The following DCHS2 variants were observed in gnomAD, a reference collection of about 807,000 sequenced individuals.
The protein encoded by DCHS2 is protocadherin-23.
In DCHS2, 142 loss-of-function variants were observed where a neutral mutation model predicts 182.4. The observed-to-expected ratio is 0.78, with a 90% CI of 0.68 to 0.89. The LOEUF (loss-of-function observed/expected upper bound fraction) is 0.89, where lower values mean the gene tolerates loss of function less well. Ranked by LOEUF, DCHS2 falls within the 40% of genes least tolerant of loss-of-function variation. The probability of loss-of-function intolerance (pLI) is 0.00; values close to 1 mark genes in which losing one functional copy is unlikely to be tolerated. For synonymous variants in DCHS2, 1,740 were observed against 1,663.3 expected (o/e 1.05, Z -1.12); for missense variants, 4,319 against 4,198.6 (o/e 1.03, Z -0.79).
In DCHS2 at chr4:154,303,009, C is replaced by T. The variant is rs1223559677; in HGVS notation, c.5605+1660G>A. ...TTTTTTTTTTTTTTTGAGACAAAGTCTCACTCTTTTCCCCCAGGAGGGAGT... is the reference window on the plus strand; with the variant it reads ...TTTTTTTTTTTTTTTGAGACAAAGTTTCACTCTTTTCCCCCAGGAGGGAGT... On this transcript the variant is annotated intron_variant, in intron 12 of 19. Transcript: ENST00000357232. 2.1e-5 allele frequency among the ~76,000 whole-genome samples: 3 copies of T among 140,766 alleles called. No individual in the cohort carries two copies. In the South Asian group the frequency reaches 6.8e-4, roughly 32 times the overall value. The allele number at this position is 140,766 out of a possible 152,430, so 92.3% of individuals were successfully genotyped here. A position where few individuals can be genotyped will look rare whatever the true frequency, so the allele number is the denominator to read the frequency against.
chr4:154,451,243 A>G (rs1054937353), intron 1 of DCHS2, among the ~76,000 whole-genome samples: 3 of 152,192 alleles, frequency 2.0e-5, no homozygotes, highest in Non-Finnish European at 4.4e-5. Context: ...TCACAGCACA[A>G]GCCCTTAGGA....
At position 154,320,815 on chromosome 4, in the gene DCHS2, C is replaced by T. The variant is rs1181943938; in HGVS notation, c.4584G>A (p.Leu1528=). ...SVEENVPIGT[L]VYVFNAKDDD... ...CATCTTTGGCATTGAAGACATACAC[C>T]AGGGTTCCTATGGGAACATTCTCCT... Residue 1528 remains leucine, a synonymous_variant, in exon 9 of 20, where the codon CTG becomes CTA. Transcript: ENST00000357232. The T allele has an allele frequency of 6.2e-7, 1 of 1,614,014 alleles. No homozygotes were observed.
In DCHS2 at chr4:154,304,793, T is replaced by C; in HGVS notation, c.5481A>G (p.Pro1827=). The C allele has an allele frequency of 6.2e-7, 1 of 1,613,940 alleles. No homozygotes were observed. Among genetic ancestry groups the C allele is most frequent in the East Asian group, 2.2e-5 (1 of 44,840 alleles). The change falls in exon 12 of 20, where the codon CCA becomes CCG. Residue 1827 remains proline, a synonymous_variant. Transcript: ENST00000357232. ...CTVEDENDHA[P]EFIVSSYDIE... is the part of the protein sequence containing the mutation. ...TGTCATAACTGGAAACAATAAACTC[T>C]GGTGCGTGATCGTTTTCATCTTCAA...
chr4:154,389,243 A>G (rs1373704789), intron 1 of DCHS2, among the ~76,000 whole-genome samples: 1 of 151,970 alleles, frequency 6.6e-6, no homozygotes, highest in East Asian at 1.9e-4. Context: ...AAATGTAAAA[A>G]CCATTCTTAC....
intron 1 of DCHS2, among the ~76,000 whole-genome samples, chr4:154,396,450 C>T (rs745589647): frequency 6.6e-6 from 1 of 152,020 alleles, no homozygotes; most frequent in Non-Finnish European, 1.5e-5. Flanking sequence ...ATTAAAAGTC[C>T]ATTCTCTAAT....
In DCHS2 at chr4:154,234,767, T is replaced by G; in HGVS notation, c.9885A>C (p.Arg3295Ser). The G allele has an allele frequency of 6.2e-7, 1 of 1,613,984 alleles. No homozygotes were observed. Among genetic ancestry groups the G allele is most frequent in the Non-Finnish European group, 8.5e-7 (1 of 1,179,926 alleles). The change falls in exon 20 of 20, where the codon AGA becomes AGC. Residue 3295 changes from arginine (R) to serine (S), a missense_variant. Physicochemically the swap from Arg to Ser is moderately radical, Grantham distance 110 (BLOSUM62 -1). Coordinates refer to ENST00000357232, the MANE Select transcript of DCHS2 (RefSeq NM_001358235.2). ...CCTGCCCCAGGTTTACTGCCGGCATTCTTGGTGGGACTGCTTTAATCCCAG... is the reference window on the plus strand; with the variant it reads ...CCTGCCCCAGGTTTACTGCCGGCATGCTTGGTGGGACTGCTTTAATCCCAG... ...AQPGIKAVPP[R>S]MPAVNLGQVP... is the part of the protein sequence containing the mutation.
At chr4:154,344,690 A>C (rs1160701930) in intron 3 of DCHS2, among the ~76,000 whole-genome samples, 1 of 152,198 alleles carries the variant, frequency 6.6e-6, no homozygotes, top group Non-Finnish European at 1.5e-5. Context: ...TCTATCAAAA[A>C]GAGGAGGAGG....
At chr4:154,331,474 G>T in intron 5 of DCHS2, 1 of 1,251,026 alleles carries the variant, frequency 8.0e-7, no homozygotes, top group Non-Finnish European at 1.1e-6. Flanking sequence ...TTGTGCCCTT[G>T]CAGCAGGAGT....
chr4:154,419,954 G>C (rs1733035122), intron 1 of DCHS2, among the ~76,000 whole-genome samples: 1 of 152,074 alleles, frequency 6.6e-6, no homozygotes, highest in Admixed American at 6.6e-5. Flanking sequence ...ATATCCTGGA[G>C]TCCTTCAAGC....
At chr4:154,240,146 T>G (rs1295207468) in intron 18 of DCHS2, among the ~76,000 whole-genome samples, 2 of 152,154 alleles carry the variant, frequency 1.3e-5, no homozygotes, top group Non-Finnish European at 1.5e-5. Context: ...TTCGTGATTT[T>G]TTTTCTGTAA....
intron 7 of DCHS2, 59 bp from the exon 8 acceptor site, chr4:154,322,547 T>C: frequency 1.3e-6 from 2 of 1,521,616 alleles, no homozygotes; most frequent in South Asian, 2.7e-5. Flanking sequence ...AAACAGAAAA[T>C]CAATTAATCC....
chr4:154,312,587 A>G (rs1255269152), intron 10 of DCHS2, among the ~76,000 whole-genome samples: 1 of 152,168 alleles, frequency 6.6e-6, no homozygotes, highest in Non-Finnish European at 1.5e-5. Flanking sequence ...ATAAAGGATC[A>G]GGGATATGTT....
chr4:154,453,623 T>G (rs1365763364), intron 1 of DCHS2, among the ~76,000 whole-genome samples: 1 of 152,118 alleles, frequency 6.6e-6, no homozygotes, highest in Non-Finnish European at 1.5e-5. Context: ...AACCAAGATT[T>G]TTTCAAAGCT....
intron 1 of DCHS2, among the ~76,000 whole-genome samples, chr4:154,381,481 A>G (rs747253012): frequency 4.6e-5 from 7 of 152,082 alleles, no homozygotes; most frequent in Non-Finnish European, 1.0e-4. Flanking sequence ...CCAAATAGGA[A>G]AAGAAGCCAA....
intron 2 of DCHS2, among the ~76,000 whole-genome samples, chr4:154,370,476 A>G (rs969673347): frequency 6.6e-6 from 1 of 152,212 alleles, no homozygotes; most frequent in African/African-American, 2.4e-5. Flanking sequence ...TTTAAGATAG[A>G]GACTATTATT....
intron 1 of DCHS2, among the ~76,000 whole-genome samples, chr4:154,443,295 C>A (rs1286082403): frequency 6.6e-6 from 1 of 152,176 alleles, no homozygotes; most frequent in East Asian, 1.9e-4. Context: ...CTAACACAAC[C>A]TCAAGTGACA....
chr4:154,378,785 T>C (rs914753393), intron 1 of DCHS2, among the ~76,000 whole-genome samples: 4 of 152,190 alleles, frequency 2.6e-5, no homozygotes, highest in African/African-American at 7.2e-5. Flanking sequence ...GACCATGATC[T>C]ATGTGCTGCC....
At chr4:154,345,228 C>G (rs1224849384) in intron 3 of DCHS2, among the ~76,000 whole-genome samples, 1 of 152,214 alleles carries the variant, frequency 6.6e-6, no homozygotes, top group East Asian at 1.9e-4. Context: ...TAGCTTAGTT[C>G]CCCCAGCCTA....
At position 154,320,378 on chromosome 4, in the gene DCHS2, C is replaced by A; in HGVS notation, c.5020+1G>T. 1 of 1,612,756 alleles carries A rather than the reference C, an allele frequency of 6.2e-7. No homozygotes were observed. ...TAAAAGTGACATATAGGGCACTGTA[C>A]CTGATGACTCATCTAGCATAAACGT... On this transcript the variant is annotated splice_donor_variant, in intron 9 of 19. Transcript: ENST00000357232. LOFTEE classifies it high-confidence loss of function.
Sources: allele counts gnomAD v4.1 joint callset (sites outside exome capture counted in the v4.1 genomes callset), GRCh38; gene constraint gnomAD v4.1.1; transcripts MANE v1.5; gene names NCBI Gene and HGNC (gene_info 2026-07-23, HGNC 2026-07-21).